Variants in CBARP observed in about 807,000 individuals in gnomAD.
CBARP encodes the protein CACN subunit beta associated regulatory protein, also known as voltage-dependent calcium channel beta subunit-associated regulatory protein.
In CBARP, 24 loss-of-function variants were observed where a neutral mutation model predicts 36.3. The observed-to-expected ratio is 0.66, with a 90% CI of 0.48 to 0.93. The LOEUF (loss-of-function observed/expected upper bound fraction) is 0.93. Among genes scored for constraint, CBARP ranks in the 40% least tolerant of loss-of-function variants. The probability of loss-of-function intolerance (pLI) is 0.00; values close to 1 mark genes in which losing one functional copy is unlikely to be tolerated. For missense variants in CBARP, 1,146 were observed against 980.4 expected (o/e 1.17, Z -2.26); for synonymous variants, 586 against 453.2 (o/e 1.29, Z -3.72).
intron 9 of CBARP, 72 bp downstream of exon 9, chr19:1,231,029 C>T (rs757027814): frequency 1.2e-5 from 18 of 1,547,282 alleles, no homozygotes; most frequent in Admixed American, 5.7e-5. Context: ...CTCCCTGGGC[C>T]GCCTAGGGGG....
At chr19:1,234,825 G>A (rs752023146) in intron 5 of CBARP, 83 bp from the exon 6 acceptor site, 30 of 1,538,432 alleles carry the variant, frequency 2.0e-5, no homozygotes, top group African/African-American at 1.1e-4. Flanking sequence ...CCACCCTGCC[G>A]GCCTGGGCAG....
In CBARP at chr19:1,235,043, G is replaced by A. The variant is rs762473598; in HGVS notation, c.413C>T (p.Ala138Val). 24 of 1,611,032 alleles carry A rather than the reference G, an allele frequency of 1.5e-5. No individual in the cohort carries two copies. Among genetic ancestry groups the A allele is most frequent in the East Asian group, 2.2e-5 (1 of 44,868 alleles). Residue 138 changes from alanine (A) to valine (V), a missense_variant, in exon 5 of 10, where the codon GCG (alanine) becomes GTG (valine). Physicochemically the swap from Ala to Val is moderately conservative, Grantham distance 64. Transcript: ENST00000650044. ...CGTCTTGCGGCTCTGCTCAAACAGCGCCGCCTCATTGAAGGAGACCCGGCG... is the reference window on the plus strand; with the variant it reads ...CGTCTTGCGGCTCTGCTCAAACAGCACCGCCTCATTGAAGGAGACCCGGCG... ...TGRRVSFNEAALFEQSRKTQD... is the reference protein window; with the variant it reads ...TGRRVSFNEAVLFEQSRKTQD...
In CBARP at chr19:1,229,693, C is replaced by T; in HGVS notation, c.1604G>A (p.Arg535His). 4 of 1,049,546 alleles carry T rather than the reference C, an allele frequency of 3.8e-6. No individual in the cohort carries two copies. Among genetic ancestry groups the T allele is most frequent in the South Asian group, 4.6e-5 (2 of 43,600 alleles). 65.0% of individuals were successfully genotyped at this position (1,049,546 alleles called of 1,614,324 possible). Reference sequence around the variant, plus strand: ...GTCGATGCTGTAGTCGCGGCGCGGGCGGCGGGGCCAGGCGCGCGGGCTGCG... The same window carrying T: ...GTCGATGCTGTAGTCGCGGCGCGGGTGGCGGGGCCAGGCGCGCGGGCTGCG... Reference protein sequence around the residue: ...RPRSPRAWPRRPRRDYSIDEK... With the variant: ...RPRSPRAWPRHPRRDYSIDEK... The change falls in exon 10 of 10, where the codon CGC becomes CAC. Residue 535 changes from arginine (R) to histidine (H), a missense_variant. Physicochemically the swap from Arg to His is conservative, Grantham distance 29. Transcript: ENST00000650044. The surrounding 1 kb of genome is among the most constrained non-coding windows in gnomAD (Gnocchi z 5.1).
At chr19:1,234,045 T>C in intron 7 of CBARP, 146 bp downstream of exon 7, 1 of 997,634 alleles carries the variant, frequency 1.0e-6, no homozygotes, top group Non-Finnish European at 1.4e-6. Context: ...GGCTCCCTCT[T>C]TCTCCCGTGT....
chr19:1,230,815 G>A lies in CBARP; in HGVS notation c.1154+286C>T, dbSNP rs538068170. ...CCTGGGACCACAGCAGAACCCTTCAGGCCTCGGACTCCACCAGCAAGCAGC... is the reference window on the plus strand; with the variant it reads ...CCTGGGACCACAGCAGAACCCTTCAAGCCTCGGACTCCACCAGCAAGCAGC... On this transcript the variant is annotated intron_variant, in intron 9 of 9. Transcript: ENST00000650044. 1.9e-5 allele frequency: 28 copies of A among 1,468,946 alleles called. No individual in the cohort carries two copies. In the African/African-American group the frequency reaches 2.9e-4, roughly 15 times the overall value. 91.0% of individuals were successfully genotyped at this position (1,468,946 alleles called of 1,614,324 possible).
intron 9 of CBARP, 191 bp from the exon 10 acceptor site, chr19:1,230,333 T>TG: frequency 1.0e-6 from 1 of 986,396 alleles, no homozygotes. Flanking sequence ...CCCTGAGCTG[T>TG]GGCGCCTGCT....
Position 1,230,014 on chromosome 19 carries a change from T to C in CBARP, c.1283A>G (p.Glu428Gly), listed in dbSNP as rs1191646633. ...GTCGCGGTAGCTGGTCTGGGCCTGC[T>C]CGGGGCCCGCGTCCCGCTCGGCGTC... ...EPDAERDAGPEQAQTSYRDLW... is the reference protein window; with the variant it reads ...EPDAERDAGPGQAQTSYRDLW... Residue 428 changes from glutamate to glycine, a missense_variant, in exon 10 of 10, where the codon GAG becomes GGG. Transcript: ENST00000650044. The C allele has an allele frequency of 3.2e-6, 4 of 1,234,484 alleles. No individual in the cohort carries two copies. In the South Asian group the frequency reaches 5.3e-5, roughly 16 times the overall value. 76.5% of individuals were successfully genotyped at this position (1,234,484 alleles called of 1,614,324 possible).
chr19:1,233,576 C>T lies in CBARP; in HGVS notation c.829G>A (p.Glu277Lys). 1 of 1,610,840 alleles carries T rather than the reference C, an allele frequency of 6.2e-7. No individual in the cohort carries two copies. Among genetic ancestry groups the T allele is most frequent in the South Asian group, 1.1e-5 (1 of 90,852 alleles). The change falls in exon 8 of 10, where the codon GAG becomes AAG. Residue 277 changes from glutamate to lysine, a missense_variant. Glu to Lys is a moderately conservative substitution (Grantham distance 56, BLOSUM62 1). Transcript: ENST00000650044. The part of the protein sequence containing the change: ...GGPGAAAGPG[E>K]AGPGSGAGTV... ...CCTGCCCCGGATCCCGGGCCCGCCT[C>T]CCCAGGCCCTGCTGCAGCCCCGGGC...
At chr19:1,233,322 C>T in intron 8 of CBARP, 104 bp downstream of exon 8, 1 of 1,190,576 alleles carries the variant, frequency 8.4e-7, no homozygotes, top group Non-Finnish European at 1.2e-6. Context: ...AGCACCGGCT[C>T]CCCACCCAGC....
chr19:1,230,757 T>G (rs1254738120), intron 9 of CBARP: 8 of 1,353,894 alleles, frequency 5.9e-6, no homozygotes, highest in African/African-American at 4.5e-5. Context: ...TGCCCAGCCT[T>G]GGGAGCATGG....
At position 1,229,641 on chromosome 19, in the gene CBARP, C is replaced by T. The variant is rs1030888518; in HGVS notation, c.1656G>A (p.Glu552=). 1.7e-6 allele frequency: 2 copies of T among 1,196,690 alleles called. No individual in the cohort carries two copies. Among genetic ancestry groups the T allele is most frequent in the East Asian group, 9.6e-5 (1 of 10,430 alleles). The allele number at this position is 1,196,690 out of a possible 1,614,324, so 74.1% of individuals were successfully genotyped here. A position where few individuals can be genotyped will look rare whatever the true frequency, so the allele number is the denominator to read the frequency against. ...IDEKTDALFH[E]FLRHDPHFDD... ...CGAAGTGCGGGTCGTGGCGCAGGAA[C>T]TCGTGGAACAGCGCGTCCGTCTTCT... The change falls in exon 10 of 10, where the codon GAG becomes GAA. Residue 552 remains glutamate (E), a synonymous_variant. Coordinates refer to ENST00000650044, the MANE Select transcript of CBARP (RefSeq NM_001393918.1). This position sits in a 1 kb window ranked among gnomAD's most constrained non-coding sequence, Gnocchi z 5.1.
At chr19:1,231,055 A>G (rs747045240) in intron 9 of CBARP, 46 bp downstream of exon 9, 26 of 1,565,732 alleles carry the variant, frequency 1.7e-5, no homozygotes, top group South Asian at 1.2e-5. Context: ...AAGGGGGGCA[A>G]GGGCCCACAG....
At chr19:1,235,451 G>C in intron 4 of CBARP, 50 bp downstream of exon 4, 1 of 1,514,356 alleles carries the variant, frequency 6.6e-7, no homozygotes, top group Non-Finnish European at 8.9e-7. Context: ...GCGGGTGGCC[G>C]AGGGGCGGAT....
chr19:1,237,665 GCCCT>G (rs2080994066), intron 1 of CBARP, 87 bp downstream of exon 1: 1 of 151,862 alleles, frequency 6.6e-6, no homozygotes, highest in Non-Finnish European at 1.5e-5. Context: ...ACTCCTCCGC[GCCCT>G]CCCTCCGGCC....
At position 1,229,711 on chromosome 19, in the gene CBARP, G is replaced by C; in HGVS notation, c.1586C>G (p.Pro529Arg). The stretch of plus-strand genomic sequence containing the variant: ...GCGCGGGCGGCGGGGCCAGGCGCGC[G>C]GGCTGCGGGGCCGGGCGGGCGCGGC... ...PPAAPARPRS[P>R]RAWPRRPRRD... is the part of the protein sequence containing the mutation. The change falls in exon 10 of 10, where the codon CCG (proline) becomes CGG (arginine). Residue 529 changes from proline to arginine, a missense_variant. By Grantham distance (103) the Pro-to-Arg change is moderately radical. Coordinates refer to ENST00000650044, the MANE Select transcript of CBARP (RefSeq NM_001393918.1). This position sits in a 1 kb window ranked among gnomAD's most constrained non-coding sequence, Gnocchi z 5.1. The C allele has an allele frequency of 1.0e-6, 1 of 987,074 alleles. No individual in the cohort carries two copies. 61.1% of individuals were successfully genotyped at this position (987,074 alleles called of 1,614,324 possible). A position where few individuals can be genotyped will look rare whatever the true frequency, so the allele number is the denominator to read the frequency against.
Position 1,233,565 on chromosome 19 carries a change from C to T in CBARP, c.840G>A (p.Pro280=), listed in dbSNP as rs938268200. The change falls in exon 8 of 10, where the codon CCG becomes CCA. Residue 280 remains proline (P), a synonymous_variant. Coordinates refer to ENST00000650044, the MANE Select transcript of CBARP (RefSeq NM_001393918.1). ...GCAGAACGGTACCTGCCCCGGATCC[C>T]GGGCCCGCCTCCCCAGGCCCTGCTG... ...GAAAGPGEAG[P]GSGAGTVLQF... 93 of 1,609,274 alleles carry T rather than the reference C, an allele frequency of 5.8e-5. 1 individual carries two copies. The highest frequency in any genetic ancestry group is 6.9e-5 in the Non-Finnish European group (81 of 1,178,710).
At position 1,231,157 on chromosome 19, in the gene CBARP, G is replaced by T. The variant is rs374648311; in HGVS notation, c.1098C>A (p.Ala366=). ...FIQYIARAGD[A]VAFPHPRPFL... ...AGGGGCGGGGGTGCGGGAAGGCCAC[G>T]GCGTCGCCCGCCCGGGCAATGTACT... Residue 366 remains alanine, a synonymous_variant, in exon 9 of 10, where the codon GCC becomes GCA. Transcript: ENST00000650044. The T allele has an allele frequency of 1.2e-6, 2 of 1,600,856 alleles. No homozygotes were observed. The highest frequency in any genetic ancestry group is 1.1e-5 in the South Asian group (1 of 90,774).
At chr19:1,232,814 G>A (rs1165961626) in intron 8 of CBARP, among the ~76,000 whole-genome samples, 1 of 151,950 alleles carries the variant, frequency 6.6e-6, no homozygotes, top group Non-Finnish European at 1.5e-5. Context: ...CAGCAGAGTT[G>A]TGGAGACACA....
chr19:1,237,341 G>A (rs2080989439), intron 1 of CBARP, among the ~76,000 whole-genome samples: 1 of 152,138 alleles, frequency 6.6e-6, no homozygotes, highest in Non-Finnish European at 1.5e-5. Flanking sequence ...GGGGACAGGC[G>A]CAGGATGGTG....
Sources: allele counts gnomAD v4.1 joint callset (sites outside exome capture counted in the v4.1 genomes callset), GRCh38; gene constraint gnomAD v4.1.1; non-coding constraint Gnocchi (gnomAD v3.1); transcripts MANE v1.5; gene names NCBI Gene and HGNC (gene_info 2026-07-23, HGNC 2026-07-21).